Variants in SETBP1 observed in about 807,000 individuals in gnomAD.
SETBP1 encodes SET-binding protein.
Under a neutral mutation model 101.0 loss-of-function variants are expected in SETBP1, and 9 were observed. That is an observed-to-expected ratio of 0.09 (90% CI 0.05 to 0.16). SETBP1 has a LOEUF of 0.16. Among genes scored for constraint, SETBP1 ranks in the 10% least tolerant of loss-of-function variants. The pLI, the probability that SETBP1 is intolerant of heterozygous loss-of-function variation, is 1.00. For synonymous variants in SETBP1, 818 were observed against 788.5 expected, an observed-to-expected ratio of 1.04 and a Z score of -0.63; for missense variants, 1,858 against 2,033.8, an observed-to-expected ratio of 0.91 and a Z score of 1.66.
At chr18:44,929,216 G>C (rs1031190685) in intron 3 of SETBP1, among the ~76,000 whole-genome samples, 18 of 152,032 alleles carry the variant, frequency 1.2e-4, no homozygotes, top group African/African-American at 4.1e-4. Context: ...TCTTGTTTTT[G>C]TCAGGTTTGT....
chr18:44,759,314 C>A lies in SETBP1; in HGVS notation c.486+57482C>A, dbSNP rs186997229. Among the ~76,000 whole-genome samples the A allele has an allele frequency of 2.6e-5, 4 of 152,268 alleles. No homozygotes were observed. In the South Asian group the frequency reaches 8.3e-4, roughly 32 times the overall value. On this transcript the variant is annotated intron_variant, in intron 2 of 5. Coordinates refer to ENST00000649279, the MANE Select transcript of SETBP1 (RefSeq NM_015559.3). The stretch of plus-strand genomic sequence containing the variant: ...GCAGACCTTTATGGCTCTGCAGTTG[C>A]CCCCAAGAATTGTGGCGTCTGCGAA...
intron 2 of SETBP1, among the ~76,000 whole-genome samples, chr18:44,786,894 G>T (rs373092225): frequency 6.6e-6 from 1 of 152,140 alleles, no homozygotes; most frequent in African/African-American, 2.4e-5. Flanking sequence ...ATCAGCTGTC[G>T]TGCTGAGGTT....
At chr18:44,789,245 C>T (rs2071316486) in intron 2 of SETBP1, among the ~76,000 whole-genome samples, 1 of 152,146 alleles carries the variant, frequency 6.6e-6, no homozygotes. Flanking sequence ...ACCAAAATAG[C>T]TTTGTGACCT....
chr18:44,706,591 C>CAAAAAAAAAAAAAAA lies in SETBP1; in HGVS notation c.486+4780_486+4794dup, dbSNP rs1018470585. Among the ~76,000 whole-genome samples the CAAAAAAAAAAAAAAA allele has an allele frequency of 3.5e-4, 6 of 16,972 alleles. 2 individuals carry two copies. Among genetic ancestry groups the CAAAAAAAAAAAAAAA allele is most frequent in the African/African-American group, 4.7e-4 (2 of 4,228 alleles). The allele number at this position is 16,972 out of a possible 152,430, so 11.1% of individuals were successfully genotyped here. A position where few individuals can be genotyped will look rare whatever the true frequency, so the allele number is the denominator to read the frequency against. On this transcript the variant is annotated intron_variant, in intron 2 of 5. Transcript: ENST00000649279. ...TGGGTGACAGAATGAGACTCAATCTCAAAAAAAAAAAAAAAAAAAAAAAAA... is the reference window on the plus strand; with the variant it reads ...TGGGTGACAGAATGAGACTCAATCTCAAAAAAAAAAAAAAAAAAAAAAAAAAAAAAAAAAAAAAAA...
At chr18:44,722,584 G>A (rs750714152) in intron 2 of SETBP1, among the ~76,000 whole-genome samples, 6 of 152,136 alleles carry the variant, frequency 3.9e-5, no homozygotes, top group East Asian at 1.9e-4. Context: ...AGCAGTATTC[G>A]GGTGCTGCAG....
chr18:44,707,102 A>G (rs1599014198), intron 2 of SETBP1, among the ~76,000 whole-genome samples: 1 of 152,312 alleles, frequency 6.6e-6, no homozygotes, highest in African/African-American at 2.4e-5. Flanking sequence ...GATTGCTTCA[A>G]AGGAGGAGGA....
At chr18:44,926,015 T>A (rs2070697736) in intron 3 of SETBP1, among the ~76,000 whole-genome samples, 1 of 151,998 alleles carries the variant, frequency 6.6e-6, no homozygotes, top group Non-Finnish European at 1.5e-5. Context: ...GACATTACAG[T>A]GAGGGTAAGG....
At chr18:44,680,200 C>T (rs1380523930), upstream of SETBP1, 1 of 142,604 alleles carries the variant, frequency 7.0e-6, no homozygotes, top group Non-Finnish European at 1.5e-5. Context: ...GGGCGCCCGC[C>T]GCTCGCCGCC....
intron 3 of SETBP1, among the ~76,000 whole-genome samples, chr18:44,912,506 T>G (rs957581164): frequency 6.6e-6 from 1 of 151,824 alleles, no homozygotes; most frequent in Non-Finnish European, 1.5e-5. Flanking sequence ...TTTGTTTTTG[T>G]TTTTTTTGAG....
At chr18:44,701,944 G>C in intron 2 of SETBP1, 112 bp downstream of exon 2, 1 of 1,298,744 alleles carries the variant, frequency 7.7e-7, no homozygotes, top group Non-Finnish European at 1.1e-6. Flanking sequence ...AACAACGTGG[G>C]GTTGGGGATT....
At chr18:45,037,467 C>T (rs981686060) in intron 4 of SETBP1, among the ~76,000 whole-genome samples, 2 of 152,122 alleles carry the variant, frequency 1.3e-5, no homozygotes, top group Admixed American at 6.6e-5. Flanking sequence ...GCACTAGGCA[C>T]GGTTCTAAGC....
chr18:45,046,083 A>T (rs1415889895), intron 5 of SETBP1, among the ~76,000 whole-genome samples: 2 of 152,102 alleles, frequency 1.3e-5, no homozygotes, highest in Non-Finnish European at 2.9e-5. Context: ...TTGATCATTG[A>T]TTCCTACATT....
chr18:44,966,125 GAAGGCAGCCAT>G (rs2071715998), intron 4 of SETBP1, among the ~76,000 whole-genome samples: 1 of 152,206 alleles, frequency 6.6e-6, no homozygotes, highest in South Asian at 2.1e-4. Flanking sequence ...GAACGCCTAT[GAAGGCAGCCAT>G]AAGTAAATGA....
At chr18:44,947,326 C>T (rs569061403) in intron 3 of SETBP1, among the ~76,000 whole-genome samples, 2 of 151,798 alleles carry the variant, frequency 1.3e-5, no homozygotes, top group South Asian at 2.1e-4. Context: ...GAGAAAAAAA[C>T]GGTAGGAGTT....
chr18:44,971,387 A>G (rs1006260420), intron 4 of SETBP1, among the ~76,000 whole-genome samples: 3 of 152,186 alleles, frequency 2.0e-5, no homozygotes, highest in African/African-American at 7.2e-5. Context: ...TTGGGTATAT[A>G]CCCAGAAATG....
At chr18:44,861,635 C>T (rs1275889833) in intron 2 of SETBP1, among the ~76,000 whole-genome samples, 2 of 152,080 alleles carry the variant, frequency 1.3e-5, no homozygotes, top group African/African-American at 2.4e-5. Flanking sequence ...ATGAGTTAGC[C>T]AAGCCAGGCT....
chr18:45,010,520 A>C (rs148985482), intron 4 of SETBP1, among the ~76,000 whole-genome samples: 26 of 152,226 alleles, frequency 1.7e-4, no homozygotes, highest in Non-Finnish European at 3.5e-4. Flanking sequence ...ATGTGTTTAC[A>C]TTCCTTAAAT....
intron 3 of SETBP1, among the ~76,000 whole-genome samples, chr18:44,904,907 G>T (rs1018960361): frequency 5.3e-5 from 8 of 152,110 alleles, no homozygotes; most frequent in Non-Finnish European, 8.8e-5. Context: ...CTGCTCACAT[G>T]CCACTGAAAC....
chr18:45,040,460 A>C (rs547760029), intron 5 of SETBP1, among the ~76,000 whole-genome samples: 1 of 152,286 alleles, frequency 6.6e-6, no homozygotes, highest in African/African-American at 2.4e-5. Context: ...TATTGTCTGC[A>C]CCCACCCAGA....
Sources: allele counts gnomAD v4.1 joint callset (sites outside exome capture counted in the v4.1 genomes callset), GRCh38; gene constraint gnomAD v4.1.1; transcripts MANE v1.5; gene names NCBI Gene and HGNC (gene_info 2026-07-23, HGNC 2026-07-21).